Variants in TTLL9 observed in about 807,000 individuals in gnomAD.
TTLL9 encodes the protein tubulin tyrosine ligase like 9.
In TTLL9, 47 loss-of-function variants were observed where a neutral mutation model predicts 65.6. The observed-to-expected ratio is 0.72, with a 90% CI of 0.57 to 0.91. TTLL9 has a LOEUF of 0.91. TTLL9 is among the 40% of genes least tolerant of loss of function. TTLL9 has a pLI of 0.00. For synonymous variants in TTLL9, 179 were observed against 204.8 expected, an observed-to-expected ratio of 0.87 and a Z score of 1.07; for missense variants, 537 against 568.8, an observed-to-expected ratio of 0.94 and a Z score of 0.57.
intron 11 of TTLL9, chr20:31,934,406 A>G: frequency 3.4e-6 from 2 of 589,852 alleles, no homozygotes; most frequent in South Asian, 1.5e-5. Flanking sequence ...GGATGCACAC[A>G]TGGTCAGTGT....
At chr20:31,941,226 G>GAAAAAAAAAAAAAAAAAAA (rs138767749) in intron 14 of TTLL9, 1 of 108,050 alleles carries the variant, frequency 9.3e-6, no homozygotes. Context: ...CACAGAAAAA[G>GAAAAAAAAAAAAAAAAAAA]AAAAAAAAAA....
intron 12 of TTLL9, among the ~76,000 whole-genome samples, chr20:31,936,265 T>C (rs2064107822): frequency 6.6e-6 from 1 of 152,170 alleles, no homozygotes; most frequent in Non-Finnish European, 1.5e-5. Flanking sequence ...TTAATTTCAA[T>C]TTATTGACAG....
chr20:31,918,639 C>T (rs1392239565), intron 6 of TTLL9, among the ~76,000 whole-genome samples: 1 of 152,206 alleles, frequency 6.6e-6, no homozygotes, highest in East Asian at 1.9e-4. Flanking sequence ...CTACTTCGGC[C>T]TTCCAGAGTG....
intron 10 of TTLL9, among the ~76,000 whole-genome samples, chr20:31,929,989 A>G (rs549651160): frequency 1.3e-5 from 2 of 152,208 alleles, no homozygotes; most frequent in East Asian, 1.9e-4. Context: ...TTAGCCAGGC[A>G]TGGTGGCAGG....
At chr20:31,933,478 T>A (rs1391964188) in intron 10 of TTLL9, among the ~76,000 whole-genome samples, 1 of 151,984 alleles carries the variant, frequency 6.6e-6, no homozygotes, top group Non-Finnish European at 1.5e-5. Flanking sequence ...AAAACCGTAG[T>A]ATAATAGCTA....
At chr20:31,942,854 G>A (rs546764188) in intron 14 of TTLL9, 91 bp from the exon 15 acceptor site, 2 of 1,271,334 alleles carry the variant, frequency 1.6e-6, no homozygotes, top group South Asian at 1.2e-5. Flanking sequence ...GACTCCCGCT[G>A]TCCCCTCTTC....
chr20:31,905,322 G>A (rs1394689379), intron 4 of TTLL9, among the ~76,000 whole-genome samples: 6 of 151,922 alleles, frequency 3.9e-5, no homozygotes, highest in Non-Finnish European at 7.4e-5. Flanking sequence ...TGATCCACAC[G>A]CCTCGGCCTC....
At chr20:31,873,553 G>A (rs963714033) in intron 2 of TTLL9, among the ~76,000 whole-genome samples, 4 of 151,782 alleles carry the variant, frequency 2.6e-5, no homozygotes, top group South Asian at 4.2e-4. Flanking sequence ...CAGCTACTTG[G>A]AGGCCAAGGT....
chr20:31,925,346 C>G (rs1429063880), intron 9 of TTLL9, among the ~76,000 whole-genome samples: 1 of 152,152 alleles, frequency 6.6e-6, no homozygotes, highest in Non-Finnish European at 1.5e-5. Context: ...TGGCACTTAG[C>G]AGGTTTTATC....
chr20:31,908,886 G>A (rs1472108192), intron 5 of TTLL9, among the ~76,000 whole-genome samples, 184 bp downstream of exon 5: 1 of 152,162 alleles, frequency 6.6e-6, no homozygotes, highest in African/African-American at 2.4e-5. Flanking sequence ...TCCAAGGCCT[G>A]AGGACTGGAG....
At chr20:31,942,102 G>A (rs931267146) in intron 14 of TTLL9, among the ~76,000 whole-genome samples, 1 of 152,176 alleles carries the variant, frequency 6.6e-6, no homozygotes, top group South Asian at 2.1e-4. Context: ...CTCAGTGAAT[G>A]GCTGAGTGAG....
rs116598835 is a variant in TTLL9, at chr20:31,911,593, G to A, written c.504+1671G>A. Among the ~76,000 whole-genome samples, 637 of 152,354 alleles carry A rather than the reference G, an allele frequency of 4.2e-3. 6 individuals are homozygous for A. Among genetic ancestry groups the A allele is most frequent in the African/African-American group, 0.014 (602 of 41,578 alleles). ...TGGTGTCCAGGGAAGGCGCAGTGAGGAAGGCCGTGGCTGGAGCAGTAGGGA... is the reference window on the plus strand; with the variant it reads ...TGGTGTCCAGGGAAGGCGCAGTGAGAAAGGCCGTGGCTGGAGCAGTAGGGA... On this transcript the variant is annotated intron_variant, in intron 6 of 14. Coordinates refer to ENST00000535842, the MANE Select transcript of TTLL9 (RefSeq NM_001008409.5).
Position 31,870,777 on chromosome 20 carries a change from CCCGG to C in TTLL9, c.-171_-168del. ...GATGGGGGGATGTCGCCTAGAGCCC[CCCGG>C]CCGGCCCACAAACTCCCGTCCCCCT... On this transcript the variant is annotated 5_prime_UTR_variant, in exon 1 of 15. An upstream open reading frame in the 5' UTR gains an earlier in-frame stop. Transcript: ENST00000535842. This position sits in a 1 kb window ranked among gnomAD's most constrained non-coding sequence, Gnocchi z 6.6. The C allele has an allele frequency of 4.1e-6, 2 of 491,872 alleles. No homozygotes were observed. Among genetic ancestry groups the C allele is most frequent in the Non-Finnish European group, 6.9e-6 (2 of 289,314 alleles). The allele number at this position is 491,872 out of a possible 1,614,324, so 30.5% of individuals were successfully genotyped here. A position where few individuals can be genotyped will look rare whatever the true frequency, so the allele number is the denominator to read the frequency against.
chr20:31,904,593 A>G (rs960595019), intron 4 of TTLL9, among the ~76,000 whole-genome samples: 1 of 152,082 alleles, frequency 6.6e-6, no homozygotes, highest in African/African-American at 2.4e-5. Flanking sequence ...CCTGGGCTCA[A>G]GTGATTCTCT....
chr20:31,926,520 G>A (rs767424439), intron 10 of TTLL9, among the ~76,000 whole-genome samples: 4 of 152,212 alleles, frequency 2.6e-5, no homozygotes, highest in Non-Finnish European at 4.4e-5. Flanking sequence ...CACATGCCCT[G>A]TGACCCAGCA....
At chr20:31,928,822 A>G (rs953286689) in intron 10 of TTLL9, among the ~76,000 whole-genome samples, 5 of 152,210 alleles carry the variant, frequency 3.3e-5, no homozygotes, top group Non-Finnish European at 4.4e-5. Context: ...CCTTTAAGGA[A>G]GAATGTTTAT....
chr20:31,941,804 T>TCC (rs2064215783), intron 14 of TTLL9, among the ~76,000 whole-genome samples: 1 of 152,162 alleles, frequency 6.6e-6, no homozygotes. Context: ...GAGCCAGTGC[T>TCC]TTAGAAGTCT....
intron 2 of TTLL9, chr20:31,879,917 A>T (rs1014480084): frequency 6.6e-7 from 1 of 1,503,938 alleles, no homozygotes; most frequent in Admixed American, 2.0e-5. Context: ...GACCTGACCC[A>T]GATGCTTTTA....
chr20:31,918,143 C>G (rs191613434), intron 6 of TTLL9, among the ~76,000 whole-genome samples: 1 of 152,006 alleles, frequency 6.6e-6, no homozygotes, highest in Non-Finnish European at 1.5e-5. Flanking sequence ...ACTTTCCCCC[C>G]ACCTCCCTCT....
Sources: gnomAD v4.1 joint callset for allele counts (sites outside exome capture counted in the v4.1 genomes callset) on GRCh38, gnomAD v4.1.1 for gene constraint, Gnocchi (gnomAD v3.1) non-coding constraint, MANE v1.5 for transcripts, NCBI Gene and HGNC (gene_info 2026-07-23, HGNC 2026-07-21) for gene names.